Variants in WDR47 observed in about 807,000 individuals in gnomAD.
The protein encoded by WDR47 is WD repeat domain 47, also known as WD repeat-containing protein 47.
WDR47 carries 32 observed loss-of-function variants against 97.2 expected under a neutral mutation model. That is an observed-to-expected ratio of 0.33 (90% confidence interval 0.25 to 0.44). WDR47 has a LOEUF of 0.44. Ranked by LOEUF, WDR47 falls within the 20% of genes least tolerant of loss-of-function variation. The pLI, the probability that WDR47 is intolerant of heterozygous loss-of-function variation, is 1.00. For missense variants in WDR47, 782 were observed against 1,102.3 expected, an observed-to-expected ratio of 0.71 and a Z score of 4.11; for synonymous variants, 375 against 373.5, an observed-to-expected ratio of 1.00 and a Z score of -0.05.
chr1:109,010,743 CA>C (rs1171924363), intron 5 of WDR47, among the ~76,000 whole-genome samples, 172 bp downstream of exon 5: 1 of 152,004 alleles, frequency 6.6e-6, no homozygotes, highest in Admixed American at 6.6e-5. Flanking sequence ...CCACCACGCC[CA>C]GCTAATTTTT....
intron 7 of WDR47, among the ~76,000 whole-genome samples, chr1:109,000,581 TG>T (rs1326015180): frequency 3.4e-5 from 5 of 147,928 alleles, no homozygotes; most frequent in Non-Finnish European, 7.4e-5. Flanking sequence ...GACGTTGAGA[TG>T]GGAGAATCCC....
chr1:108,988,549 G>A (rs913992387), intron 9 of WDR47, among the ~76,000 whole-genome samples: 25 of 151,920 alleles, frequency 1.6e-4, no homozygotes, highest in African/African-American at 4.6e-4. Context: ...GGGTGTGGTG[G>A]CGCATGCCCG....
intron 3 of WDR47, 131 bp from the exon 4 acceptor site, chr1:109,014,056 C>T: frequency 1.7e-6 from 1 of 597,026 alleles, no homozygotes; most frequent in Admixed American, 3.4e-5. Context: ...CACATTGAAG[C>T]CATAACTGAA....
At chr1:109,015,371 T>C (rs1361124276) in intron 3 of WDR47, among the ~76,000 whole-genome samples, 1 of 152,190 alleles carries the variant, frequency 6.6e-6, no homozygotes. Flanking sequence ...TCGCCCAGGC[T>C]GGAGTGCAGT....
chr1:109,026,416 C>G (rs1407351969), intron 1 of WDR47, among the ~76,000 whole-genome samples: 1 of 151,884 alleles, frequency 6.6e-6, no homozygotes, highest in African/African-American at 2.4e-5. Flanking sequence ...GAACTGTCTC[C>G]CTAATATTAT....
chr1:109,002,123 A>T, intron 7 of WDR47, 101 bp downstream of exon 7: 1 of 1,317,224 alleles, frequency 7.6e-7, no homozygotes, highest in South Asian at 1.6e-5. Context: ...ATGCGTAAAA[A>T]GCCTTAAAAT....
intron 5 of WDR47, among the ~76,000 whole-genome samples, chr1:109,007,677 T>G (rs542573764): frequency 4.6e-4 from 70 of 152,280 alleles, no homozygotes; most frequent in African/African-American, 1.6e-3. Context: ...ACTAGAAGCT[T>G]TATCTCATTT....
At chr1:108,984,896 C>A (rs577752984) in intron 10 of WDR47, among the ~76,000 whole-genome samples, 9 of 152,028 alleles carry the variant, frequency 5.9e-5, no homozygotes, top group Non-Finnish European at 1.0e-4. Context: ...ACAAAAAAAA[C>A]CCAAAAAACT....
At position 108,981,901 on chromosome 1, in the gene WDR47, G is replaced by A. The variant is rs749967209; in HGVS notation, c.2267-37C>T. 5.0e-6 allele frequency: 8 copies of A among 1,596,282 alleles called. No individual in the cohort carries two copies. In the East Asian group the frequency reaches 1.6e-4, roughly 32 times the overall value. ...CATATACTCAATTATTAAGGTGGGA[G>A]AGTATCTTTCCATAACATATTCAAA... On this transcript the variant is annotated intron_variant, in intron 12 of 14. Transcript: ENST00000369962.
intron 9 of WDR47, among the ~76,000 whole-genome samples, chr1:108,991,001 G>GT (rs1374654233): frequency 0.012 from 1,656 of 139,342 alleles, 11 homozygotes; most frequent in African/African-American, 0.018. Flanking sequence ...GTTTTTTTTT[G>GT]TTTTTTTTTT....
intron 7 of WDR47, among the ~76,000 whole-genome samples, chr1:108,998,317 G>C (rs1420035366): frequency 6.6e-6 from 1 of 151,774 alleles, no homozygotes; most frequent in Non-Finnish European, 1.5e-5. Flanking sequence ...AGCCTGGCCA[G>C]CATGGTGAAA....
At chr1:109,021,683 T>G (rs1191019938) in intron 2 of WDR47, among the ~76,000 whole-genome samples, 1 of 151,936 alleles carries the variant, frequency 6.6e-6, no homozygotes, top group Non-Finnish European at 1.5e-5. Context: ...TGCACCACTA[T>G]GCCCAGCTAA....
chr1:108,983,533 T>C, intron 10 of WDR47, 82 bp from the exon 11 acceptor site: 2 of 1,196,592 alleles, frequency 1.7e-6, no homozygotes, highest in Non-Finnish European at 2.2e-6. Context: ...TACTTGTTCT[T>C]GAAGGAAGGA....
chr1:108,985,631 A>G (rs955167197), intron 10 of WDR47, among the ~76,000 whole-genome samples: 2 of 152,360 alleles, frequency 1.3e-5, no homozygotes, highest in African/African-American at 2.4e-5. Flanking sequence ...CCCAAAATAT[A>G]TATTTGCTAA....
chr1:108,992,694 C>T lies in WDR47; in HGVS notation c.1692-1365G>A, dbSNP rs1048795009. 8 of 1,542,692 alleles carry T rather than the reference C, an allele frequency of 5.2e-6. No homozygotes were observed. In the East Asian group the frequency reaches 1.1e-4, roughly 22 times the overall value. ...TACAGAGCTCATGGTCGGATTAACC[C>T]ATACATGAGCTCTCCCTGCCACATT... On this transcript the variant is annotated intron_variant, in intron 8 of 14. Transcript: ENST00000369962.
At chr1:109,037,193 G>T (rs571941945) in intron 1 of WDR47, among the ~76,000 whole-genome samples, 1 of 152,018 alleles carries the variant, frequency 6.6e-6, no homozygotes, top group African/African-American at 2.4e-5. Context: ...GCCAGGCGTG[G>T]TGGCACATGC....
chr1:108,973,708 C>T (rs1292543229), intron 14 of WDR47, among the ~76,000 whole-genome samples: 3 of 151,344 alleles, frequency 2.0e-5, no homozygotes, highest in Admixed American at 1.3e-4. Context: ...ATGGCAAGAT[C>T]CCATCTTTAC....
intron 1 of WDR47, among the ~76,000 whole-genome samples, chr1:109,036,167 C>G (rs987796863): frequency 6.6e-6 from 1 of 152,136 alleles, no homozygotes; most frequent in African/African-American, 2.4e-5. Context: ...TAGGATCTTA[C>G]ATTCATTGTC....
chr1:108,977,743 G>C (rs185092582), intron 13 of WDR47, among the ~76,000 whole-genome samples: 3 of 151,796 alleles, frequency 2.0e-5, no homozygotes, highest in Admixed American at 6.6e-5. Flanking sequence ...CATGAAAATC[G>C]CTTGAACCCA....
Sources: allele counts gnomAD v4.1 joint callset (sites outside exome capture counted in the v4.1 genomes callset), GRCh38; gene constraint gnomAD v4.1.1; transcripts MANE v1.5; gene names NCBI Gene and HGNC (gene_info 2026-07-23, HGNC 2026-07-21).